The following ROBO1 variants were observed in gnomAD, a reference collection of about 807,000 sequenced individuals.
The protein encoded by ROBO1 is roundabout guidance receptor 1.
ROBO1 carries 149 observed loss-of-function variants against 195.9 expected under a neutral mutation model. The ratio of observed to expected loss-of-function variants is 0.76; its 90% CI spans 0.67 to 0.87. The LOEUF (loss-of-function observed/expected upper bound fraction) is 0.87. Among genes scored for constraint, ROBO1 ranks in the 40% least tolerant of loss-of-function variants. The probability of loss-of-function intolerance (pLI) is 0.00; values close to 1 mark genes in which losing one functional copy is unlikely to be tolerated. For missense variants in ROBO1, 1,933 were observed against 2,068.3 expected (o/e 0.93, Z 1.27); for synonymous variants, 816 against 733.2 (o/e 1.11, Z -1.82).
At chr3:78,857,586 G>A (rs1172156246) in intron 4 of ROBO1, among the ~76,000 whole-genome samples, 1 of 152,174 alleles carries the variant, frequency 6.6e-6, no homozygotes, top group East Asian at 1.9e-4. Context: ...ATCAGCATCA[G>A]CATCATATGG....
chr3:78,767,750 T>C (rs953021532), intron 4 of ROBO1, among the ~76,000 whole-genome samples: 4 of 152,208 alleles, frequency 2.6e-5, no homozygotes, highest in African/African-American at 4.8e-5. Context: ...CTTTTGTATT[T>C]CAGTGGTGTC....
chr3:79,259,460 T>C (rs1225645040), intron 2 of ROBO1, among the ~76,000 whole-genome samples: 1 of 152,090 alleles, frequency 6.6e-6, no homozygotes, highest in African/African-American at 2.4e-5. Context: ...CTTTCAGTTA[T>C]CTTAAAATGT....
At chr3:79,480,627 T>C (rs1393465888) in intron 2 of ROBO1, among the ~76,000 whole-genome samples, 1 of 152,186 alleles carries the variant, frequency 6.6e-6, no homozygotes, top group Non-Finnish European at 1.5e-5. Flanking sequence ...TATGTGTGTG[T>C]GTGTGCCCAT....
intron 2 of ROBO1, among the ~76,000 whole-genome samples, chr3:79,143,442 C>A (rs1373022617): frequency 6.6e-6 from 1 of 151,752 alleles, no homozygotes; most frequent in East Asian, 1.9e-4. Flanking sequence ...GAGTACTTAC[C>A]CAATGCAGGG....
intron 2 of ROBO1, among the ~76,000 whole-genome samples, chr3:79,173,080 C>T (rs1256697711): frequency 6.6e-6 from 1 of 152,146 alleles, no homozygotes; most frequent in Non-Finnish European, 1.5e-5. Flanking sequence ...AACAGAAGTG[C>T]TTTACATGGG....
chr3:79,236,354 A>G (rs897885439), intron 2 of ROBO1, among the ~76,000 whole-genome samples: 14 of 152,108 alleles, frequency 9.2e-5, no homozygotes, highest in African/African-American at 3.4e-4. Context: ...TTCATGTTCA[A>G]TGTGTGCCAA....
At chr3:79,038,632 T>A (rs1576598881) in intron 3 of ROBO1, among the ~76,000 whole-genome samples, 1 of 151,778 alleles carries the variant, frequency 6.6e-6, no homozygotes, top group East Asian at 1.9e-4. Context: ...ATCTCACTAC[T>A]ATAAACTGAA....
chr3:79,516,065 A>G (rs1352469576), intron 2 of ROBO1, among the ~76,000 whole-genome samples: 1 of 152,130 alleles, frequency 6.6e-6, no homozygotes, highest in Non-Finnish European at 1.5e-5. Context: ...GTATTAACAG[A>G]TCCTTCGCTT....
chr3:79,076,081 A>G (rs2079167615), intron 3 of ROBO1, among the ~76,000 whole-genome samples: 1 of 151,102 alleles, frequency 6.6e-6, no homozygotes, highest in Non-Finnish European at 1.5e-5. Flanking sequence ...ATTTGTAAAA[A>G]TTCAATTATA....
chr3:79,351,553 A>G (rs1302771465), intron 2 of ROBO1, among the ~76,000 whole-genome samples: 1 of 152,150 alleles, frequency 6.6e-6, no homozygotes. Flanking sequence ...AAAATCAAAT[A>G]TTTAGTTTCT....
intron 8 of ROBO1, among the ~76,000 whole-genome samples, chr3:78,694,080 G>A (rs976038431): frequency 6.6e-6 from 1 of 152,010 alleles, no homozygotes; most frequent in African/African-American, 2.4e-5. Context: ...TAAATTACAA[G>A]AACTAAGAAA....
chr3:78,934,070 ATC>A (rs1476215070), intron 4 of ROBO1, among the ~76,000 whole-genome samples: 2 of 152,040 alleles, frequency 1.3e-5, no homozygotes, highest in Non-Finnish European at 2.9e-5. Context: ...CATTTTTGAA[ATC>A]AGAACTGTCC....
intron 3 of ROBO1, among the ~76,000 whole-genome samples, chr3:79,050,803 A>G (rs747231452): frequency 2.0e-5 from 3 of 152,180 alleles, no homozygotes; most frequent in Non-Finnish European, 4.4e-5. Context: ...CTGCTCCTCA[A>G]TGACTACTGG....
intron 2 of ROBO1, among the ~76,000 whole-genome samples, chr3:79,307,296 C>A (rs1466795042): frequency 6.7e-6 from 1 of 150,136 alleles, no homozygotes; most frequent in Non-Finnish European, 1.5e-5. Context: ...ACAGGCTTTT[C>A]TTTTTTTTTA....
intron 2 of ROBO1, among the ~76,000 whole-genome samples, chr3:79,468,143 A>G (rs915056628): frequency 6.6e-6 from 1 of 152,222 alleles, no homozygotes; most frequent in African/African-American, 2.4e-5. Flanking sequence ...GAAACAAACC[A>G]GTAATATTTA....
intron 2 of ROBO1, among the ~76,000 whole-genome samples, chr3:79,387,187 G>A (rs1408283510): frequency 2.0e-5 from 3 of 152,070 alleles, no homozygotes; most frequent in Non-Finnish European, 4.4e-5. Context: ...AATGGCATGT[G>A]CATGAAAAGA....
chr3:78,763,755 A>ACAAGAACTCCTTGGC (rs574362055), intron 4 of ROBO1, among the ~76,000 whole-genome samples: 113 of 152,260 alleles, frequency 7.4e-4, no homozygotes, highest in Middle Eastern at 3.4e-3. Context: ...CCTTTACTCC[A>ACAAGAACTCCTTGGC]CAAGAACTCC....
chr3:78,671,900 T>C (rs1708084110), intron 10 of ROBO1, among the ~76,000 whole-genome samples: 1 of 152,194 alleles, frequency 6.6e-6, no homozygotes, highest in Admixed American at 6.5e-5. Flanking sequence ...ATATTTGTAT[T>C]TTATTTAGTG....
chr3:79,438,170 G>C (rs947027454), intron 2 of ROBO1, among the ~76,000 whole-genome samples: 1 of 151,580 alleles, frequency 6.6e-6, no homozygotes, highest in African/African-American at 2.4e-5. Flanking sequence ...ATACGATTTT[G>C]AATATTCTCT....
Sources: gnomAD v4.1 joint callset for allele counts (sites outside exome capture counted in the v4.1 genomes callset) on GRCh38, gnomAD v4.1.1 for gene constraint, MANE v1.5 for transcripts, NCBI Gene and HGNC (gene_info 2026-07-23, HGNC 2026-07-21) for gene names.